AFG1L: variants seen among roughly 807,000 people sequenced by gnomAD.
AFG1L encodes the protein AFG1-like ATPase.
AFG1L carries 53 observed loss-of-function variants against 62.2 expected under a neutral mutation model. The observed-to-expected ratio is 0.85, with a 90% confidence interval of 0.68 to 1.07. The LOEUF (loss-of-function observed/expected upper bound fraction) is 1.07. AFG1L is among the 50% of genes least tolerant of loss of function. AFG1L has a pLI of 0.00. For synonymous variants in AFG1L, 228 were observed against 210.3 expected (o/e 1.08, Z -0.73); for missense variants, 555 against 590.5 (o/e 0.94, Z 0.62).
At chr6:108,328,914 T>C (rs894601762) in intron 2 of AFG1L, among the ~76,000 whole-genome samples, 4 of 152,212 alleles carry the variant, frequency 2.6e-5, no homozygotes, top group Non-Finnish European at 4.4e-5. Context: ...TACTGGGTAG[T>C]TGAAATCTAA....
intron 10 of AFG1L, among the ~76,000 whole-genome samples, chr6:108,505,998 T>C (rs1054425246): frequency 6.6e-6 from 1 of 151,984 alleles, no homozygotes; most frequent in Non-Finnish European, 1.5e-5. Flanking sequence ...TGGGGAAAAA[T>C]TGCGAAAATT....
At chr6:108,358,437 C>T (rs912602515) in intron 5 of AFG1L, among the ~76,000 whole-genome samples, 16 of 152,270 alleles carry the variant, frequency 1.1e-4, no homozygotes, top group African/African-American at 3.6e-4. Flanking sequence ...AATCTAAAGG[C>T]ATTAGAATTT....
rs944399722 is a variant in AFG1L, at chr6:108,522,336, G to A, written c.1357G>A (p.Glu453Lys). ...ACTCTCCATGTTTACCGGAGAAGAG[G>A]AAATCTTTGCATTTCAGCGCACAAT... is the stretch of plus-strand genomic sequence containing the variant. Reference protein sequence around the residue: ...EGLSMFTGEEEIFAFQRTISR... With the variant: ...EGLSMFTGEEKIFAFQRTISR... Residue 453 changes from glutamate to lysine, a missense_variant, in exon 13 of 13, where the codon GAA becomes AAA. Coordinates refer to ENST00000368977, the MANE Select transcript of AFG1L (RefSeq NM_145315.5). 7 of 1,613,776 alleles carry A rather than the reference G, an allele frequency of 4.3e-6. No homozygotes were observed. In the Admixed American group the frequency reaches 1.0e-4, roughly 23 times the overall value.
At chr6:108,417,133 C>T (rs1770334139) in intron 7 of AFG1L, among the ~76,000 whole-genome samples, 1 of 151,616 alleles carries the variant, frequency 6.6e-6, no homozygotes, top group Admixed American at 6.6e-5. Context: ...ACTTAGGAAG[C>T]TGAGGTGGGA....
chr6:108,364,574 T>G (rs1305074828), intron 5 of AFG1L, among the ~76,000 whole-genome samples: 1 of 152,208 alleles, frequency 6.6e-6, no homozygotes, highest in Non-Finnish European at 1.5e-5. Flanking sequence ...TCATTGATAC[T>G]GTTCTTTTAA....
intron 7 of AFG1L, among the ~76,000 whole-genome samples, chr6:108,442,446 T>C (rs1015346831): frequency 2.0e-5 from 3 of 152,210 alleles, no homozygotes; most frequent in East Asian, 1.9e-4. Context: ...GGATTGGTTA[T>C]AGGGCCCAGG....
rs1036566363 is a variant in AFG1L at position 108,510,132 on chromosome 6, G to C, written c.1063-80G>C. On this transcript the variant is annotated intron_variant, in intron 10 of 12. Coordinates refer to ENST00000368977, the MANE Select transcript of AFG1L (RefSeq NM_145315.5). ...CTAGATCACACCATGACAAGAAAGA[G>C]GTGTTTTTACACTAAACCACTCCAA... is the stretch of plus-strand genomic sequence containing the variant. The C allele has an allele frequency of 1.5e-5, 15 of 1,010,862 alleles. No homozygotes were observed. In the African/African-American group the frequency reaches 2.4e-4, roughly 16 times the overall value. The allele number at this position is 1,010,862 out of a possible 1,614,324, so 62.6% of individuals were successfully genotyped here. A position where few individuals can be genotyped will look rare whatever the true frequency, so the allele number is the denominator to read the frequency against.
chr6:108,397,982 G>A (rs1582514785), intron 6 of AFG1L, among the ~76,000 whole-genome samples: 1 of 152,174 alleles, frequency 6.6e-6, no homozygotes, highest in East Asian at 1.9e-4. Flanking sequence ...CAGTGAGATT[G>A]CTGGATCATG....
At chr6:108,399,769 C>CTTTTTTTT (rs757924406) in intron 6 of AFG1L, among the ~76,000 whole-genome samples, 1 of 42,688 alleles carries the variant, frequency 2.3e-5, no homozygotes, top group Non-Finnish European at 4.5e-5. Flanking sequence ...AAGTATCTCT[C>CTTTTTTTT]TTTTTTTTTT....
intron 7 of AFG1L, among the ~76,000 whole-genome samples, chr6:108,431,784 A>G (rs868270779): frequency 6.6e-6 from 1 of 151,518 alleles, no homozygotes; most frequent in Admixed American, 6.6e-5. Flanking sequence ...GGGTTTCACC[A>G]TGTTGGCCAG....
chr6:108,500,836 G>A (rs963591064), intron 10 of AFG1L, among the ~76,000 whole-genome samples: 1 of 152,070 alleles, frequency 6.6e-6, no homozygotes, highest in African/African-American at 2.4e-5. Flanking sequence ...TGGCTTTTTA[G>A]TAATAGTCAT....
chr6:108,351,901 A>C (rs901310823), intron 3 of AFG1L, among the ~76,000 whole-genome samples: 6 of 152,202 alleles, frequency 3.9e-5, no homozygotes, highest in African/African-American at 1.4e-4. Flanking sequence ...TCTTTTACCA[A>C]TAAGCATATT....
intron 3 of AFG1L, 33 bp from the exon 4 acceptor site, chr6:108,355,621 A>C (rs765138408): frequency 1.8e-6 from 2 of 1,119,282 alleles, no homozygotes; most frequent in Admixed American, 4.0e-5. Context: ...CATACTATTT[A>C]ATAGTATTCT....
chr6:108,501,976 C>A lies in AFG1L; in HGVS notation c.1063-8236C>A, dbSNP rs190759584. On this transcript the variant is annotated intron_variant, in intron 10 of 12. Coordinates refer to ENST00000368977, the MANE Select transcript of AFG1L (RefSeq NM_145315.5). ...TAAAAAATGCTAACAACTATTTGAG[C>A]CTTCAGTGAGTTGTAGTGTTTTTAC... 7.4e-4 allele frequency among the ~76,000 whole-genome samples: 112 copies of A among 152,294 alleles called. 1 individual carries two copies. Among genetic ancestry groups the A allele is most frequent in the African/African-American group, 2.6e-3 (107 of 41,570 alleles).
chr6:108,336,516 A>C (rs1778482403), intron 2 of AFG1L, among the ~76,000 whole-genome samples: 1 of 152,216 alleles, frequency 6.6e-6, no homozygotes, highest in Non-Finnish European at 1.5e-5. Context: ...CATAGGGAAC[A>C]AAGGATAATA....
At chr6:108,438,366 T>G (rs9480856) in intron 7 of AFG1L, among the ~76,000 whole-genome samples, 3,387 of 152,264 alleles carry the variant, frequency 0.022, 119 homozygotes, top group African/African-American at 0.074. Context: ...CACATGGCCT[T>G]TCTGTGGGGT....
chr6:108,461,602 C>T (rs968624247), intron 8 of AFG1L, among the ~76,000 whole-genome samples: 6 of 151,982 alleles, frequency 3.9e-5, no homozygotes, highest in African/African-American at 1.2e-4. Flanking sequence ...ACTACAGGCA[C>T]GTGCCACTAT....
chr6:108,518,140 A>G (rs1774976207), intron 11 of AFG1L, among the ~76,000 whole-genome samples: 3 of 152,252 alleles, frequency 2.0e-5, no homozygotes, highest in Admixed American at 2.0e-4. Flanking sequence ...TGACCCAGGC[A>G]TCCCATTACT....
intron 8 of AFG1L, among the ~76,000 whole-genome samples, chr6:108,471,353 C>A (rs991675167): frequency 1.3e-5 from 2 of 151,916 alleles, no homozygotes; most frequent in Non-Finnish European, 1.5e-5. Context: ...ACCTCTGATG[C>A]AAATATGTTT....
Sources: gnomAD v4.1 joint callset for allele counts (sites outside exome capture counted in the v4.1 genomes callset) on GRCh38, gnomAD v4.1.1 for gene constraint, MANE v1.5 for transcripts, NCBI Gene and HGNC (gene_info 2026-07-23, HGNC 2026-07-21) for gene names.